TRHDE: variants seen among roughly 807,000 people sequenced by gnomAD.
TRHDE encodes thyrotropin releasing hormone degrading enzyme.
In TRHDE, 72 loss-of-function variants were observed where a neutral mutation model predicts 125.7. That is an observed-to-expected ratio of 0.57 (90% CI 0.47 to 0.70). The LOEUF is 0.70. Among genes scored for constraint, TRHDE ranks in the 30% least tolerant of loss-of-function variants. TRHDE has a pLI of 0.00. For missense variants in TRHDE, 1,110 were observed against 1,327.1 expected, an observed-to-expected ratio of 0.84 and a Z score of 2.54; for synonymous variants, 509 against 509.1, an observed-to-expected ratio of 1.00 and a Z score of 0.00.
chr12:72,497,619 A>G (rs892910885), intron 5 of TRHDE, among the ~76,000 whole-genome samples: 1 of 152,132 alleles, frequency 6.6e-6, no homozygotes, highest in Non-Finnish European at 1.5e-5. Context: ...GGTCAAGTTG[A>G]AGTATAATTA....
intron 2 of TRHDE, among the ~76,000 whole-genome samples, chr12:72,153,927 C>G (rs1258189796): frequency 6.6e-6 from 1 of 152,174 alleles, no homozygotes; most frequent in Non-Finnish European, 1.5e-5. Context: ...TGGTGCAGAG[C>G]TGAGTTCAGT....
intron 2 of TRHDE, among the ~76,000 whole-genome samples, chr12:72,157,134 T>G (rs1876532318): frequency 6.6e-6 from 1 of 151,928 alleles, no homozygotes; most frequent in Admixed American, 6.6e-5. Flanking sequence ...TTTTTTTTTT[T>G]TTGAGCTCTG....
chr12:72,619,881 A>G (rs1872972395), intron 13 of TRHDE, among the ~76,000 whole-genome samples: 1 of 152,132 alleles, frequency 6.6e-6, no homozygotes, highest in South Asian at 2.1e-4. Context: ...TGTGACATGA[A>G]TCTTTTTATT....
chr12:72,413,118 A>G (rs543165775), intron 3 of TRHDE, among the ~76,000 whole-genome samples: 1 of 152,174 alleles, frequency 6.6e-6, no homozygotes, highest in African/African-American at 2.4e-5. Context: ...ATGTTATTTC[A>G]TAATTAATAA....
At chr12:72,202,986 T>C (rs1877590577) in intron 2 of TRHDE, among the ~76,000 whole-genome samples, 1 of 152,126 alleles carries the variant, frequency 6.6e-6, no homozygotes, top group African/African-American at 2.4e-5. Context: ...ATTTTATATG[T>C]TTTAAAATTT....
At chr12:72,616,796 A>T (rs2136074516) in intron 12 of TRHDE, among the ~76,000 whole-genome samples, 1 of 152,232 alleles carries the variant, frequency 6.6e-6, no homozygotes, top group East Asian at 1.9e-4. Context: ...CAAAATAATA[A>T]TGTCTTCTAA....
chr12:72,378,211 A>G, intron 3 of TRHDE, 90 bp downstream of exon 3: 1 of 1,227,898 alleles, frequency 8.1e-7, no homozygotes. Context: ...CAGAAGCATG[A>G]AAATTCTGAG....
chr12:72,487,389 A>T (rs140555329), intron 5 of TRHDE, among the ~76,000 whole-genome samples: 5 of 152,306 alleles, frequency 3.3e-5, no homozygotes, highest in African/African-American at 1.2e-4. Flanking sequence ...AAAAGCAGCA[A>T]GAGAAAAGCA....
At position 72,579,832 on chromosome 12, in the gene TRHDE, T is replaced by C. The variant is rs554399349; in HGVS notation, c.2321+4290T>C. On this transcript the variant is annotated intron_variant, in intron 12 of 18. Coordinates refer to ENST00000261180, the MANE Select transcript of TRHDE (RefSeq NM_013381.3). ...GTGCCAATTATTTCAATCCTACTTATTTAAAGGTTTTAATTTTTGTGGATT... is the reference window on the plus strand; with the variant it reads ...GTGCCAATTATTTCAATCCTACTTACTTAAAGGTTTTAATTTTTGTGGATT... Among the ~76,000 whole-genome samples, 26 of 152,276 alleles carry C rather than the reference T, an allele frequency of 1.7e-4. No individual in the cohort carries two copies. In the South Asian group the frequency reaches 4.1e-3, roughly 24 times the overall value.
chr12:72,445,722 A>G (rs1420556189), intron 3 of TRHDE, among the ~76,000 whole-genome samples: 1 of 152,018 alleles, frequency 6.6e-6, no homozygotes, highest in Non-Finnish European at 1.5e-5. Context: ...TGGACAAACT[A>G]CAGGCCAAGT....
chr12:72,449,730 G>T lies in TRHDE; in HGVS notation c.1316-20028G>T, dbSNP rs145751748. On this transcript the variant is annotated intron_variant, in intron 3 of 18. Transcript: ENST00000261180. ...CAGCCCAGGATTTAACTATTGGAAAGGATTTAAAGACAGTCATGGTGTTAT... is the reference window on the plus strand; with the variant it reads ...CAGCCCAGGATTTAACTATTGGAAATGATTTAAAGACAGTCATGGTGTTAT... Among the ~76,000 whole-genome samples, 903 of 151,986 alleles carry T rather than the reference G, an allele frequency of 5.9e-3. 5 individuals carry two copies. The highest frequency in any genetic ancestry group is 0.011 in the Admixed American group (164 of 15,236).
intron 2 of TRHDE, among the ~76,000 whole-genome samples, chr12:72,252,677 C>G (rs1207321155): frequency 1.3e-5 from 2 of 152,074 alleles, no homozygotes; most frequent in Non-Finnish European, 2.9e-5. Flanking sequence ...CTACAAAAAA[C>G]TTCCCTGAAT....
chr12:72,426,255 G>GTT (rs1874180930), intron 3 of TRHDE, among the ~76,000 whole-genome samples: 1 of 151,982 alleles, frequency 6.6e-6, no homozygotes, highest in Admixed American at 6.6e-5. Flanking sequence ...TAATAAGATT[G>GTT]TTATTGTATT....
intron 2 of TRHDE, among the ~76,000 whole-genome samples, chr12:72,361,515 C>T (rs549813988): frequency 6.6e-6 from 1 of 151,016 alleles, no homozygotes; most frequent in African/African-American, 2.4e-5. Context: ...TTAGATTATT[C>T]TTTGTACTTT....
intron 6 of TRHDE, among the ~76,000 whole-genome samples, chr12:72,512,581 T>A (rs9645831): frequency 0.078 from 11,070 of 141,020 alleles, 526 homozygotes; most frequent in Middle Eastern, 0.12. Context: ...TATAATCATA[T>A]AATAATCATA....
intron 2 of TRHDE, among the ~76,000 whole-genome samples, chr12:72,313,464 A>G (rs1255936475): frequency 1.3e-5 from 2 of 152,136 alleles, no homozygotes; most frequent in African/African-American, 2.4e-5. Flanking sequence ...CTGTGATAGT[A>G]TAAGATATAG....
chr12:72,581,061 A>G (rs933602661), intron 12 of TRHDE, among the ~76,000 whole-genome samples: 5 of 152,218 alleles, frequency 3.3e-5, no homozygotes, highest in Non-Finnish European at 7.3e-5. Flanking sequence ...GCAAAAAAAA[A>G]AGTATAAACT....
chr12:72,094,995 T>C (rs933961778), intron 1 of TRHDE, among the ~76,000 whole-genome samples: 4 of 152,262 alleles, frequency 2.6e-5, no homozygotes, highest in Admixed American at 6.5e-5. Context: ...TTGTTGACAT[T>C]ATTGCTCTAA....
At chr12:72,514,993 T>C (rs1426472889) in intron 6 of TRHDE, among the ~76,000 whole-genome samples, 1 of 149,306 alleles carries the variant, frequency 6.7e-6, no homozygotes, top group African/African-American at 2.5e-5. Context: ...CTGCATAGTA[T>C]TCCATGGTGT....
Sources: allele counts gnomAD v4.1 joint callset (sites outside exome capture counted in the v4.1 genomes callset), GRCh38; gene constraint gnomAD v4.1.1; transcripts MANE v1.5; gene names NCBI Gene and HGNC (gene_info 2026-07-23, HGNC 2026-07-21).